The following NF1 variants were observed in gnomAD, a reference collection of about 807,000 sequenced individuals.
NF1 encodes neurofibromin.
Under a neutral mutation model 325.7 loss-of-function variants are expected in NF1, and 122 were observed. The ratio of observed to expected loss-of-function variants is 0.37; its 90% CI spans 0.32 to 0.44. NF1 has a LOEUF of 0.44. Ranked by LOEUF, NF1 falls within the 20% of genes least tolerant of loss-of-function variation. The pLI is 1.00. For synonymous variants in NF1, 1,091 were observed against 1,186.0 expected (o/e 0.92, Z 1.65); for missense variants, 2,140 against 3,415.4 (o/e 0.63, Z 9.31).
intron 8 of NF1, among the ~76,000 whole-genome samples, chr17:31,194,646 C>T (rs1309074284): frequency 6.6e-6 from 1 of 152,014 alleles, no homozygotes; most frequent in African/African-American, 2.4e-5. Context: ...AATATTAATA[C>T]ATCAAAAAAT....
At chr17:31,239,856 A>G (rs557896253) in intron 29 of NF1, among the ~76,000 whole-genome samples, 1 of 152,108 alleles carries the variant, frequency 6.6e-6, no homozygotes, top group East Asian at 1.9e-4. Context: ...TCCGCCTCCC[A>G]TGTTCAAGCA....
intron 36 of NF1, among the ~76,000 whole-genome samples, chr17:31,283,557 T>TGATC (rs2068166683): frequency 6.6e-6 from 1 of 152,112 alleles, no homozygotes; most frequent in Admixed American, 6.5e-5. Flanking sequence ...TGGGCTCAAG[T>TGATC]GATCCTTCCA....
rs17882094 is a variant in NF1 at position 31,336,280 on chromosome 17, AAAATT to A, written c.6007-47_6007-43del. ...TGTTCCAATGAATATTTTTTAATTA[AAAATT>A]AAATTGGTAGAGTGATTAAAAACAT... is the stretch of plus-strand genomic sequence containing the variant. On this transcript the variant is annotated intron_variant, in intron 40 of 57. Coordinates refer to ENST00000358273, the MANE Select transcript of NF1 (RefSeq NM_001042492.3). The surrounding 1 kb of genome is among the most constrained non-coding windows in gnomAD (Gnocchi z 5.5). 1.4e-3 allele frequency: 2,255 copies of A among 1,580,148 alleles called. 30 individuals are homozygous for A. The African/African-American group carries it at 0.028, about 19-fold the overall frequency.
At chr17:31,235,840 G>T (rs569372440) in intron 28 of NF1, 68 bp downstream of exon 28, 1 of 1,610,424 alleles carries the variant, frequency 6.2e-7, no homozygotes, top group East Asian at 2.2e-5. Context: ...TGTACAGAAT[G>T]TGCAGGGCTG....
At chr17:31,304,794 A>C in intron 36 of NF1, 1 of 1,614,024 alleles carries the variant, frequency 6.2e-7, no homozygotes, top group Non-Finnish European at 8.5e-7. Flanking sequence ...TCCAGGGTGT[A>C]AGTGAAATGA....
At chr17:31,291,110 C>T (rs993584584) in intron 36 of NF1, among the ~76,000 whole-genome samples, 1 of 151,946 alleles carries the variant, frequency 6.6e-6, no homozygotes, top group African/African-American at 2.4e-5. Flanking sequence ...CTTAAGGTTC[C>T]AAAACATTTC....
intron 36 of NF1, chr17:31,305,350 G>A (rs1445121427): frequency 2.5e-6 from 4 of 1,614,076 alleles, no homozygotes; most frequent in African/African-American, 2.7e-5. Flanking sequence ...TTCAGAAGAG[G>A]TATAGACAGC....
chr17:31,228,229 G>A (rs1441229729), intron 20 of NF1, among the ~76,000 whole-genome samples: 2 of 152,182 alleles, frequency 1.3e-5, no homozygotes, highest in Non-Finnish European at 2.9e-5. Context: ...TTAATGATCA[G>A]TTAGTGTTTG....
intron 8 of NF1, 147 bp downstream of exon 8, chr17:31,182,812 C>T (rs1049088331): frequency 1.6e-5 from 12 of 769,810 alleles, no homozygotes; most frequent in Non-Finnish European, 2.1e-5. Context: ...GTTTGATGGA[C>T]TTAGAAGAGA....
At position 31,189,113 on chromosome 17, in the gene NF1, A is replaced by G. The variant is rs150098316; in HGVS notation, c.888+6448A>G. Among the ~76,000 whole-genome samples the G allele has an allele frequency of 1.9e-3, 293 of 152,326 alleles. 6 individuals carry two copies. Among genetic ancestry groups the G allele is most frequent in the Admixed American group, 0.016 (247 of 15,296 alleles). On this transcript the variant is annotated intron_variant, in intron 8 of 57. Coordinates refer to ENST00000358273, the MANE Select transcript of NF1 (RefSeq NM_001042492.3). ...AGTACTCGAGTGAATTTACGTTTTA[A>G]TAATCACAACTGTAGCTTTCTAAGT... is the stretch of plus-strand genomic sequence containing the variant.
At chr17:31,315,126 T>C (rs190142484) in intron 36 of NF1, among the ~76,000 whole-genome samples, 1 of 152,330 alleles carries the variant, frequency 6.6e-6, no homozygotes, top group East Asian at 1.9e-4. Flanking sequence ...CCAAATATTT[T>C]ACTAGTGACT....
chr17:31,192,549 A>T (rs1409724394), intron 8 of NF1, among the ~76,000 whole-genome samples: 1 of 152,210 alleles, frequency 6.6e-6, no homozygotes, highest in Non-Finnish European at 1.5e-5. Flanking sequence ...CTCTCAGCAG[A>T]CTTCAGAGAG....
intron 36 of NF1, chr17:31,305,714 T>A: frequency 8.7e-7 from 1 of 1,153,276 alleles, no homozygotes; most frequent in Non-Finnish European, 1.2e-6. Context: ...TTATGATTCC[T>A]GGCATAAAGT....
intron 36 of NF1, chr17:31,295,039 C>T (rs1240232650): frequency 2.5e-6 from 4 of 1,614,068 alleles, no homozygotes; most frequent in Admixed American, 3.3e-5. Flanking sequence ...CAACATTGAG[C>T]AATAAGAGAA....
At position 31,336,250 on chromosome 17, in the gene NF1, T is replaced by G. The variant is rs2069665755; in HGVS notation, c.6007-83T>G. On this transcript the variant is annotated intron_variant, in intron 40 of 57. Transcript: ENST00000358273. This position sits in a 1 kb window ranked among gnomAD's most constrained non-coding sequence, Gnocchi z 5.5. The stretch of plus-strand genomic sequence containing the variant: ...GGTAAAATAGAATTTTCATATTGAT[T>G]AGGCTGTTCCAATGAATATTTTTTA... 3 of 1,447,746 alleles carry G rather than the reference T, an allele frequency of 2.1e-6. No homozygotes were observed. Among genetic ancestry groups the G allele is most frequent in the African/African-American group, 2.8e-5 (2 of 70,660 alleles). 89.7% of individuals were successfully genotyped at this position (1,447,746 alleles called of 1,614,324 possible).
chr17:31,278,542 A>C, intron 36 of NF1, among the ~76,000 whole-genome samples: 1 of 65,204 alleles, frequency 1.5e-5, no homozygotes, highest in Non-Finnish European at 2.9e-5. Flanking sequence ...AGAAAATCCT[A>C]TTAAGTTTTA....
chr17:31,178,744 A>G (rs2066070364), intron 5 of NF1, among the ~76,000 whole-genome samples: 1 of 152,216 alleles, frequency 6.6e-6, no homozygotes, highest in South Asian at 2.1e-4. Context: ...TTAAACCAAC[A>G]AAAAAGATCA....
At position 31,359,070 on chromosome 17, in the gene NF1, T is replaced by C. The variant is rs143138479; in HGVS notation, c.8160+55T>C. The C allele has an allele frequency of 7.4e-4, 1,004 of 1,362,048 alleles. 6 individuals are homozygous for C. In the Middle Eastern group the frequency reaches 0.012, roughly 16 times the overall value. The allele number at this position is 1,362,048 out of a possible 1,614,324, so 84.4% of individuals were successfully genotyped here. A position where few individuals can be genotyped will look rare whatever the true frequency, so the allele number is the denominator to read the frequency against. On this transcript the variant is annotated intron_variant, in intron 56 of 57. Transcript: ENST00000358273. The stretch of plus-strand genomic sequence containing the variant: ...GGCAAAATGAAGGTTTCTGTTCAAA[T>C]TAGTATGCCTGCTTTAAGAACACAC...
chr17:31,199,543 G>A (rs1480669294), intron 8 of NF1, among the ~76,000 whole-genome samples: 1 of 152,168 alleles, frequency 6.6e-6, no homozygotes, highest in African/African-American at 2.4e-5. Flanking sequence ...TATTGTGCTG[G>A]TGTTGGGTGA....
Sources: allele counts gnomAD v4.1 joint callset (sites outside exome capture counted in the v4.1 genomes callset), GRCh38; gene constraint gnomAD v4.1.1; non-coding constraint Gnocchi (gnomAD v3.1); transcripts MANE v1.5; gene names NCBI Gene and HGNC (gene_info 2026-07-23, HGNC 2026-07-21).